Variants in PALM observed in about 807,000 individuals in gnomAD.
The protein encoded by PALM is paralemmin-1.
Under a neutral mutation model 30.7 loss-of-function variants are expected in PALM, and 18 were observed. The ratio of observed to expected loss-of-function variants is 0.59; its 90% CI spans 0.41 to 0.87. The LOEUF is 0.87. Ranked by LOEUF, PALM falls within the 40% of genes least tolerant of loss-of-function variation. PALM has a pLI of 0.00. For synonymous variants in PALM, 286 were observed against 242.8 expected (o/e 1.18, Z -1.66); for missense variants, 529 against 555.4 (o/e 0.95, Z 0.48).
At chr19:713,164 T>C (rs2144842436) in intron 1 of PALM, among the ~76,000 whole-genome samples, 1 of 137,716 alleles carries the variant, frequency 7.3e-6, no homozygotes, top group African/African-American at 3.0e-5. Context: ...CTGGGGGTTG[T>C]GGTCTTGTGG....
At chr19:733,938 AT>A (rs1438883397) in intron 5 of PALM, among the ~76,000 whole-genome samples, 1 of 152,136 alleles carries the variant, frequency 6.6e-6, no homozygotes, top group Admixed American at 6.5e-5. Context: ...GTGAGCCAAG[AT>A]TGCCCCATTG....
At chr19:720,724 C>A (rs1417096325) in intron 1 of PALM, among the ~76,000 whole-genome samples, 1 of 152,120 alleles carries the variant, frequency 6.6e-6, no homozygotes, top group African/African-American at 2.4e-5. Flanking sequence ...CCTGACATTC[C>A]CCCGCCCTGG....
At chr19:736,361 C>T (rs1180696121) in intron 7 of PALM, among the ~76,000 whole-genome samples, 1 of 152,192 alleles carries the variant, frequency 6.6e-6, no homozygotes, top group Admixed American at 6.5e-5. Flanking sequence ...GGCTTTCATT[C>T]CACCCTAATC....
chr19:726,990 A>AC lies in PALM; in HGVS notation c.58-15dup. 25 of 538,576 alleles carry AC rather than the reference A, an allele frequency of 4.6e-5. No individual in the cohort carries two copies. Among genetic ancestry groups the AC allele is most frequent in the Admixed American group, 6.0e-5 (2 of 33,558 alleles). 33.4% of individuals were successfully genotyped at this position (538,576 alleles called of 1,614,324 possible). On this transcript the variant is annotated splice_polypyrimidine_tract_variant and intron_variant, in intron 2 of 8. Transcript: ENST00000338448. Reference sequence around the variant, plus strand: ...GACCCCCACGCCCATCCCTGACCCCACCCGGCCCTCCCCACAGGAGAAGCG... The same window carrying AC: ...GACCCCCACGCCCATCCCTGACCCCACCCCGGCCCTCCCCACAGGAGAAGCG...
intron 1 of PALM, among the ~76,000 whole-genome samples, chr19:718,288 C>T (rs188493140): frequency 2.0e-5 from 3 of 152,230 alleles, no homozygotes; most frequent in South Asian, 2.1e-4. Context: ...GAGGAGGTGA[C>T]GTCTGCAGAA....
At chr19:726,985 A>ACGCCC in intron 2 of PALM, 23 bp from the exon 3 acceptor site, 5 of 945,360 alleles carry the variant, frequency 5.3e-6, no homozygotes, top group Non-Finnish European at 4.9e-6. Context: ...CCCATCCCTG[A>ACGCCC]CCCCACCCGG....
Position 740,532 on chromosome 19 carries a change from G to A in PALM, c.634+49G>A, listed in dbSNP as rs28651857. On this transcript the variant is annotated intron_variant, in intron 8 of 8. Transcript: ENST00000338448. ...CTCCCTCCACCTGGGCCAGAGCCCC[G>A]AACACGTGTGCTCCCAGCGTGTGGG... 1.9e-5 allele frequency: 29 copies of A among 1,506,908 alleles called. No individual in the cohort carries two copies. In the African/African-American group the frequency reaches 2.6e-4, roughly 14 times the overall value. The allele number at this position is 1,506,908 out of a possible 1,614,324, so 93.3% of individuals were successfully genotyped here. A position where few individuals can be genotyped will look rare whatever the true frequency, so the allele number is the denominator to read the frequency against.
At chr19:744,791 G>C (rs2033289482) in intron 8 of PALM, among the ~76,000 whole-genome samples, 1 of 151,338 alleles carries the variant, frequency 6.6e-6, no homozygotes, top group African/African-American at 2.4e-5. Context: ...CTACTCTGGA[G>C]GCTGAGGCAG....
chr19:734,289 G>C (rs781681928), intron 6 of PALM, 95 bp downstream of exon 6: 2 of 1,219,844 alleles, frequency 1.6e-6, no homozygotes, highest in Non-Finnish European at 2.4e-6. Flanking sequence ...AAGTTGCTCG[G>C]TGCCTCACGC....
intron 4 of PALM, among the ~76,000 whole-genome samples, chr19:730,577 C>T (rs1319717284): frequency 6.6e-6 from 1 of 152,202 alleles, no homozygotes; most frequent in Non-Finnish European, 1.5e-5. Flanking sequence ...TCAGGGGACA[C>T]AGGGAGTCAG....
At chr19:729,523 T>TGGC (rs919088282) in intron 4 of PALM, among the ~76,000 whole-genome samples, 1 of 129,824 alleles carries the variant, frequency 7.7e-6, no homozygotes, top group Non-Finnish European at 1.6e-5. Flanking sequence ...TGGAGTGCGG[T>TGGC]GGCGCGATCT....
At chr19:735,268 C>T (rs571242976) in intron 6 of PALM, among the ~76,000 whole-genome samples, 6 of 91,308 alleles carry the variant, frequency 6.6e-5, no homozygotes, top group African/African-American at 1.8e-4. Context: ...TTGGGTGTCT[C>T]GGTGGGGTCT....
At chr19:728,176 C>G (rs548366316) in intron 4 of PALM, among the ~76,000 whole-genome samples, 3 of 152,198 alleles carry the variant, frequency 2.0e-5, no homozygotes, top group South Asian at 4.1e-4. Context: ...GAAGCTCGGG[C>G]GGGGGCAGGA....
In PALM at chr19:717,496, G is replaced by T. The variant is rs576801636; in HGVS notation, c.5+8345G>T. 6.6e-5 allele frequency among the ~76,000 whole-genome samples: 10 copies of T among 152,232 alleles called. No homozygotes were observed. The East Asian group carries it at 1.9e-3, about 29-fold the overall frequency. ...GGGTCAGAGCCTCGCTCCTGTTCAC[G>T]GCTGAGTCATGTCCCAGTGCGTGGA... is the stretch of plus-strand genomic sequence containing the variant. On this transcript the variant is annotated intron_variant, in intron 1 of 8. Transcript: ENST00000338448.
Position 740,336 on chromosome 19 carries a change from G to GT in PALM, c.503-15dup. On this transcript the variant is annotated splice_polypyrimidine_tract_variant and intron_variant, in intron 7 of 8. Coordinates refer to ENST00000338448, the MANE Select transcript of PALM (RefSeq NM_002579.3). ...GGCGGGCAGGCCGTGGTGTAACCCCGTGACTCTCGTGCCAGCCATGTACTC... is the reference window on the plus strand; with the variant it reads ...GGCGGGCAGGCCGTGGTGTAACCCCGTTGACTCTCGTGCCAGCCATGTACTC... 6.4e-7 allele frequency: 1 copy of GT among 1,554,698 alleles called. No homozygotes were observed. The highest frequency in any genetic ancestry group is 8.7e-7 in the Non-Finnish European group (1 of 1,148,376).
intron 1 of PALM, among the ~76,000 whole-genome samples, chr19:715,093 A>G (rs1356528550): frequency 6.6e-6 from 1 of 152,114 alleles, no homozygotes. Flanking sequence ...GTGAAACCCC[A>G]TCTCTACTAA....
chr19:725,013 G>T (rs957257994), intron 1 of PALM, among the ~76,000 whole-genome samples: 1 of 151,876 alleles, frequency 6.6e-6, no homozygotes, highest in Non-Finnish European at 1.5e-5. Flanking sequence ...TCGACCTCCC[G>T]GGTTCAAGTG....
Position 746,719 on chromosome 19 carries a change from A to C in PALM, c.1069A>C (p.Arg357=). ...CGAGCCTCCCACGGAGGCCGCCTCC[A>C]GGGAAGAGAATCAGGCGGGGCCCGA... ...AAEPPTEAAS[R]EENQAGPEAT... The change falls in exon 9 of 9, where the codon AGG becomes CGG. Residue 357 remains arginine (R), a synonymous_variant. Coordinates refer to ENST00000338448, the MANE Select transcript of PALM (RefSeq NM_002579.3). The surrounding 1 kb of genome is among the most constrained non-coding windows in gnomAD (Gnocchi z 7.1). 6.2e-7 allele frequency: 1 copy of C among 1,606,580 alleles called. No individual in the cohort carries two copies. The highest frequency in any genetic ancestry group is 8.5e-7 in the Non-Finnish European group (1 of 1,177,488).
intron 5 of PALM, among the ~76,000 whole-genome samples, chr19:733,692 G>A (rs1054940026): frequency 5.3e-5 from 8 of 152,176 alleles, no homozygotes; most frequent in Non-Finnish European, 1.0e-4. Flanking sequence ...GGGAGGGAGG[G>A]AAGAAATGAG....
Sources: allele counts gnomAD v4.1 joint callset (sites outside exome capture counted in the v4.1 genomes callset), GRCh38; gene constraint gnomAD v4.1.1; non-coding constraint Gnocchi (gnomAD v3.1); transcripts MANE v1.5; gene names NCBI Gene and HGNC (gene_info 2026-07-23, HGNC 2026-07-21).